FGF12: variants seen among roughly 807,000 people sequenced by gnomAD.
FGF12 encodes fibroblast growth factor 12.
Under a neutral mutation model 23.6 loss-of-function variants are expected in FGF12, and 14 were observed. The ratio of observed to expected loss-of-function variants is 0.59; its 90% CI spans 0.39 to 0.93. FGF12 has a LOEUF of 0.93. Ranked by LOEUF, FGF12 falls within the 40% of genes least tolerant of loss-of-function variation. The pLI, the probability that FGF12 is intolerant of heterozygous loss-of-function variation, is 0.00. For synonymous variants in FGF12, 62 were observed against 77.3 expected, an observed-to-expected ratio of 0.80 and a Z score of 1.04; for missense variants, 175 against 217.8, an observed-to-expected ratio of 0.80 and a Z score of 1.24.
intron 2 of FGF12, among the ~76,000 whole-genome samples, chr3:192,452,580 A>T (rs1045336593): frequency 6.6e-6 from 1 of 152,210 alleles, no homozygotes; most frequent in African/African-American, 2.4e-5. Context: ...TTTGAAAGAT[A>T]ATTTTGTTGA....
At chr3:192,581,476 G>A (rs946202500) in intron 2 of FGF12, among the ~76,000 whole-genome samples, 2 of 76,464 alleles carry the variant, frequency 2.6e-5, no homozygotes, top group African/African-American at 5.6e-5. Context: ...GTATATATAT[G>A]TGTGTGTGTG....
At chr3:192,493,173 AGTCTAGGTG>A in intron 2 of FGF12, among the ~76,000 whole-genome samples, 1 of 152,090 alleles carries the variant, frequency 6.6e-6, no homozygotes, top group East Asian at 1.9e-4. Context: ...CCAGGGTCTC[AGTCTAGGTG>A]CTGAGACTGT....
chr3:192,229,960 T>G (rs1486698644), intron 4 of FGF12, among the ~76,000 whole-genome samples: 1 of 113,590 alleles, frequency 8.8e-6, no homozygotes, highest in African/African-American at 3.7e-5. Flanking sequence ...TGATACATTA[T>G]GTGAGAAAGA....
chr3:192,656,040 CAAAAA>C (rs11292484), intron 2 of FGF12, among the ~76,000 whole-genome samples: 15 of 106,556 alleles, frequency 1.4e-4, no homozygotes, highest in East Asian at 2.8e-4. Context: ...GAGGTTCAGG[CAAAAA>C]AAAAAAAAAA....
At chr3:192,690,746 A>G (rs533254738) in intron 2 of FGF12, among the ~76,000 whole-genome samples, 1 of 152,120 alleles carries the variant, frequency 6.6e-6, no homozygotes, top group East Asian at 1.9e-4. Context: ...TTGTCAATCA[A>G]AAGACATAGA....
intron 4 of FGF12, among the ~76,000 whole-genome samples, chr3:192,176,882 G>T (rs372847861): frequency 1.3e-5 from 2 of 152,266 alleles, no homozygotes. Context: ...TTTCCATTCT[G>T]TCTCCAACTA....
At chr3:192,572,902 C>T (rs746393411) in intron 2 of FGF12, among the ~76,000 whole-genome samples, 15 of 151,894 alleles carry the variant, frequency 9.9e-5, no homozygotes, top group Non-Finnish European at 1.3e-4. Flanking sequence ...GTTTTTCCAA[C>T]CGTTAGAATT....
chr3:192,711,645 C>A (rs1225908721), intron 2 of FGF12, among the ~76,000 whole-genome samples: 2 of 152,082 alleles, frequency 1.3e-5, no homozygotes, highest in Non-Finnish European at 2.9e-5. Context: ...TATGACCTTA[C>A]CCCCCAACCC....
At chr3:192,535,665 G>A (rs1441374814) in intron 2 of FGF12, among the ~76,000 whole-genome samples, 2 of 152,128 alleles carry the variant, frequency 1.3e-5, no homozygotes, top group Non-Finnish European at 2.9e-5. Context: ...AGAGCCAGAG[G>A]AGACCTTGAA....
rs1364452618 is a variant in FGF12, at chr3:192,409,246, G to C, written c.14-48708C>G. Among the ~76,000 whole-genome samples, 1 of 152,174 alleles carries C rather than the reference G, an allele frequency of 6.6e-6. No individual in the cohort carries two copies. Among genetic ancestry groups the C allele is most frequent in the African/African-American group, 2.4e-5 (1 of 41,454 alleles). On this transcript the variant is annotated intron_variant, in intron 2 of 5. Transcript: ENST00000445105. The surrounding 1 kb of genome is among the most constrained non-coding windows in gnomAD (Gnocchi z 4.8). Reference sequence around the variant, plus strand: ...GATTATTTAGGGAATCCTAAATCTGGAATGACTCAGTAGTTTAAATAAGCC... The same window carrying C: ...GATTATTTAGGGAATCCTAAATCTGCAATGACTCAGTAGTTTAAATAAGCC...
intron 2 of FGF12, among the ~76,000 whole-genome samples, chr3:192,592,342 CT>C (rs1181995786): frequency 4.0e-5 from 6 of 151,846 alleles, no homozygotes; most frequent in African/African-American, 7.2e-5. Flanking sequence ...CTACCTGGTT[CT>C]AGGTATTGGA....
At chr3:192,295,258 T>A (rs1245791352) in intron 4 of FGF12, among the ~76,000 whole-genome samples, 1 of 152,170 alleles carries the variant, frequency 6.6e-6, no homozygotes, top group Non-Finnish European at 1.5e-5. Context: ...AGTAATTGGA[T>A]TTCCGCACTC....
chr3:192,365,289 T>C (rs1718927187), intron 2 of FGF12, among the ~76,000 whole-genome samples: 1 of 151,100 alleles, frequency 6.6e-6, no homozygotes, highest in South Asian at 2.1e-4. Context: ...ATCAATGTCA[T>C]TGAAGAAAAC....
intron 2 of FGF12, among the ~76,000 whole-genome samples, chr3:192,487,530 A>G (rs980213127): frequency 6.6e-6 from 1 of 152,100 alleles, no homozygotes; most frequent in Non-Finnish European, 1.5e-5. Flanking sequence ...TTCTGAAGAC[A>G]TTCACACAGG....
rs74933212 is a variant in FGF12 at position 192,522,729 on chromosome 3, G to T, written c.14-162191C>A. Reference sequence around the variant, plus strand: ...CAATAAGGAACTAACTTACATTTTGGTATATTCCCACAAAGTAATGTGCTA... The same window carrying T: ...CAATAAGGAACTAACTTACATTTTGTTATATTCCCACAAAGTAATGTGCTA... On this transcript the variant is annotated intron_variant, in intron 2 of 5. Transcript: ENST00000445105. Among the ~76,000 whole-genome samples, 485 of 152,248 alleles carry T rather than the reference G, an allele frequency of 3.2e-3. 3 individuals carry two copies. Among genetic ancestry groups the T allele is most frequent in the African/African-American group, 0.012 (478 of 41,546 alleles).
chr3:192,632,387 C>T (rs76469766), intron 2 of FGF12, among the ~76,000 whole-genome samples: 14,730 of 152,214 alleles, frequency 0.097, 904 homozygotes, highest in Non-Finnish European at 0.14. Flanking sequence ...CATTAATCAT[C>T]TCATTTTAAC....
At chr3:192,591,571 C>T (rs1393295097) in intron 2 of FGF12, among the ~76,000 whole-genome samples, 4 of 151,812 alleles carry the variant, frequency 2.6e-5, no homozygotes, top group African/African-American at 9.7e-5. Context: ...AGCCCTTTAC[C>T]TCAACAAGGC....
rs144404677 is a variant in FGF12, at chr3:192,432,141, G to A, written c.14-71603C>T. Reference sequence around the variant, plus strand: ...CATCTTTCAATGTTTACTGACACCAGTTATGTCCCAGGAGCTGTCCTAAGT... The same window carrying A: ...CATCTTTCAATGTTTACTGACACCAATTATGTCCCAGGAGCTGTCCTAAGT... On this transcript the variant is annotated intron_variant, in intron 2 of 5. Coordinates refer to ENST00000445105, the MANE Select transcript of FGF12 (RefSeq NM_004113.6). Among the ~76,000 whole-genome samples the A allele has an allele frequency of 7.2e-5, 11 of 152,226 alleles. No homozygotes were observed. In the East Asian group the frequency reaches 2.1e-3, roughly 29 times the overall value.
chr3:192,535,835 G>T (rs1237936507), intron 2 of FGF12, among the ~76,000 whole-genome samples: 1 of 152,098 alleles, frequency 6.6e-6, no homozygotes, highest in Non-Finnish European at 1.5e-5. Flanking sequence ...ACATACATAT[G>T]CACGTTTTCA....
Sources: allele counts gnomAD v4.1 joint callset (sites outside exome capture counted in the v4.1 genomes callset), GRCh38; gene constraint gnomAD v4.1.1; non-coding constraint Gnocchi (gnomAD v3.1); transcripts MANE v1.5; gene names NCBI Gene and HGNC (gene_info 2026-07-23, HGNC 2026-07-21).